TENT5C: variants seen among roughly 807,000 people sequenced by gnomAD.
The protein encoded by TENT5C is terminal nucleotidyltransferase 5C.
A neutral mutation model predicts 22.2 loss-of-function variants in TENT5C; 5 were observed. The observed-to-expected ratio is 0.22, with a 90% CI of 0.12 to 0.47. The LOEUF is 0.47. Ranked by LOEUF, TENT5C falls within the 20% of genes least tolerant of loss-of-function variation. The pLI, the probability that TENT5C is intolerant of heterozygous loss-of-function variation, is 0.99. For missense variants in TENT5C, 364 were observed against 500.9 expected, an observed-to-expected ratio of 0.73 and a Z score of 2.61; for synonymous variants, 199 against 195.4, an observed-to-expected ratio of 1.02 and a Z score of -0.15.
chr1:117,619,784 T>C (rs1653856696), intron 1 of TENT5C, among the ~76,000 whole-genome samples: 1 of 152,198 alleles, frequency 6.6e-6, no homozygotes, highest in Admixed American at 6.5e-5. Context: ...CACTTTACTA[T>C]TCTGAAATGC....
chr1:117,623,002 A>T lies in TENT5C; in HGVS notation c.134A>T (p.Glu45Val). The change falls in exon 2 of 2, where the codon GAG becomes GTG. Residue 45 changes from glutamate to valine, a missense_variant. Coordinates refer to ENST00000369448, the MANE Select transcript of TENT5C (RefSeq NM_017709.4). ...IHGRGNFPTLEITLKDIVQTV... is the reference protein window; with the variant it reads ...IHGRGNFPTLVITLKDIVQTV... ...GGACGAGGCAACTTTCCAACCTTGG[A>T]GATAACTCTGAAGGACATCGTCCAG... The T allele has an allele frequency of 6.2e-7, 1 of 1,614,188 alleles. No homozygotes were observed. The highest frequency in any genetic ancestry group is 1.1e-5 in the South Asian group (1 of 91,082).
chr1:117,614,358 C>T (rs1558005850), intron 1 of TENT5C, among the ~76,000 whole-genome samples: 1 of 152,194 alleles, frequency 6.6e-6, no homozygotes, highest in African/African-American at 2.4e-5. Flanking sequence ...GACCAAGGTC[C>T]ATGGTCATTC....
chr1:117,609,908 G>A (rs1223126539), intron 1 of TENT5C, among the ~76,000 whole-genome samples: 1 of 152,136 alleles, frequency 6.6e-6, no homozygotes, highest in Non-Finnish European at 1.5e-5. Flanking sequence ...CCTCTTTTAA[G>A]TAGAGGCCAC....
intron 1 of TENT5C, among the ~76,000 whole-genome samples, chr1:117,617,208 T>A (rs2101076594): frequency 6.6e-6 from 1 of 152,264 alleles, no homozygotes; most frequent in East Asian, 1.9e-4. Flanking sequence ...ATAGCTTTTT[T>A]TTTTTTCTTT....
intron 1 of TENT5C, among the ~76,000 whole-genome samples, chr1:117,617,712 T>C (rs976071460): frequency 1.3e-5 from 2 of 152,256 alleles, no homozygotes; most frequent in Admixed American, 6.5e-5. Context: ...GAATTGGGAA[T>C]GTGTGTTCCA....
Position 117,623,945 on chromosome 1 carries a change from G to A in TENT5C, c.1077G>A (p.Pro359=), listed in dbSNP as rs768966439. Residue 359 remains proline, a synonymous_variant, in exon 2 of 2, where the codon CCG becomes CCA. Transcript: ENST00000369448. ...SATNVTCYYQ[P]APYVSDGNFS... The stretch of plus-strand genomic sequence containing the variant: ...CCAACGTCACCTGTTACTACCAGCC[G>A]GCCCCTTACGTCAGTGATGGCAACT... 163 of 1,613,978 alleles carry A rather than the reference G, an allele frequency of 1.0e-4. No individual in the cohort carries two copies. The highest frequency in any genetic ancestry group is 1.4e-4 in the Non-Finnish European group (160 of 1,179,996).
Position 117,623,005 on chromosome 1 carries a change from T to C in TENT5C, c.137T>C (p.Ile46Thr), listed in dbSNP as rs1230332453. Reference sequence around the variant, plus strand: ...CGAGGCAACTTTCCAACCTTGGAGATAACTCTGAAGGACATCGTCCAGACC... The same window carrying C: ...CGAGGCAACTTTCCAACCTTGGAGACAACTCTGAAGGACATCGTCCAGACC... ...HGRGNFPTLE[I>T]TLKDIVQTVR... Residue 46 changes from isoleucine to threonine, a missense_variant, in exon 2 of 2, where the codon ATA becomes ACA. Physicochemically the swap from Ile to Thr is moderately conservative, Grantham distance 89. Around this residue, in one of 3 missense-constraint regions of TENT5C, gnomAD observed 303 missense variants for 394.5 expected, o/e 0.77. Coordinates refer to ENST00000369448, the MANE Select transcript of TENT5C (RefSeq NM_017709.4). The C allele has an allele frequency of 1.2e-6, 2 of 1,614,210 alleles. No homozygotes were observed. Among genetic ancestry groups the C allele is most frequent in the South Asian group, 2.2e-5 (2 of 91,082 alleles).
chr1:117,613,867 TG>T (rs1266469700), intron 1 of TENT5C, among the ~76,000 whole-genome samples: 2 of 152,212 alleles, frequency 1.3e-5, no homozygotes, highest in African/African-American at 4.8e-5. Flanking sequence ...CTTTGTGGCC[TG>T]GGGCAGTTAC....
At chr1:117,607,824 T>C (rs915242917) in intron 1 of TENT5C, among the ~76,000 whole-genome samples, 1 of 152,140 alleles carries the variant, frequency 6.6e-6, no homozygotes, top group Non-Finnish European at 1.5e-5. Context: ...ATGCTGACTT[T>C]TCTCTGGGCT....
Position 117,628,190 on chromosome 1 carries a change from T to C in TENT5C, c.*4146T>C. Reference sequence around the variant, plus strand: ...CAATTAGACTAAATTGAAAGCTTTTTGTTCTATATTTGCATAGCCTTTGAA... The same window carrying C: ...CAATTAGACTAAATTGAAAGCTTTTCGTTCTATATTTGCATAGCCTTTGAA... On this transcript the variant is annotated 3_prime_UTR_variant, in exon 2 of 2. Transcript: ENST00000369448. 4.0e-6 allele frequency: 1 copy of C among 247,818 alleles called. No homozygotes were observed. The highest frequency in any genetic ancestry group is 6.1e-5 in the East Asian group (1 of 16,498). 15.4% of individuals were successfully genotyped at this position (247,818 alleles called of 1,614,324 possible).
rs1653979677 is a variant in TENT5C at position 117,625,104 on chromosome 1, C to CA, written c.*1060_*1061insA. 1 of 240,192 alleles carries CA rather than the reference C, an allele frequency of 4.2e-6. No individual in the cohort carries two copies. Among genetic ancestry groups the CA allele is most frequent in the Non-Finnish European group, 8.5e-6 (1 of 117,232 alleles). 14.9% of individuals were successfully genotyped at this position (240,192 alleles called of 1,614,324 possible). On this transcript the variant is annotated 3_prime_UTR_variant, in exon 2 of 2. Coordinates refer to ENST00000369448, the MANE Select transcript of TENT5C (RefSeq NM_017709.4). ...AGCTATTTTTTGTTTTTGTTCTTTT[C>CA]GTTTTTTTTTTTTCCAAAAATAGTG...
chr1:117,618,200 G>T (rs566021932), intron 1 of TENT5C, among the ~76,000 whole-genome samples: 1 of 152,266 alleles, frequency 6.6e-6, no homozygotes, highest in East Asian at 1.9e-4. Flanking sequence ...CTAACCACAG[G>T]CATATTGTAT....
chr1:117,619,164 T>C (rs1035724018), intron 1 of TENT5C, among the ~76,000 whole-genome samples: 2 of 152,238 alleles, frequency 1.3e-5, no homozygotes, highest in East Asian at 3.8e-4. Flanking sequence ...TAATTCAAAG[T>C]AGACTTACCA....
rs564558111 is a variant in TENT5C, at chr1:117,625,944, G to A, written c.*1900G>A. The A allele has an allele frequency of 2.0e-5, 5 of 247,826 alleles. No homozygotes were observed. Among genetic ancestry groups the A allele is most frequent in the South Asian group, 1.8e-4 (1 of 5,514 alleles). The allele number at this position is 247,826 out of a possible 1,614,324, so 15.4% of individuals were successfully genotyped here. ...AATTCAGTGGCTTTGAGTCAAGGCC[G>A]GTTCTAATTGAGGGGACCCAGTGTG... On this transcript the variant is annotated 3_prime_UTR_variant, in exon 2 of 2. Coordinates refer to ENST00000369448, the MANE Select transcript of TENT5C (RefSeq NM_017709.4).
At chr1:117,606,615 C>T (rs1017505077) in intron 1 of TENT5C, among the ~76,000 whole-genome samples, 1 of 152,158 alleles carries the variant, frequency 6.6e-6, no homozygotes, top group Non-Finnish European at 1.5e-5. Flanking sequence ...CGCCCCGGCG[C>T]TCCCGCGGGC....
chr1:117,614,142 G>A (rs1286749799), intron 1 of TENT5C, among the ~76,000 whole-genome samples: 1 of 152,268 alleles, frequency 6.6e-6, no homozygotes, highest in East Asian at 1.9e-4. Context: ...CTCCCTATGT[G>A]GGGGGTCTGG....
At chr1:117,614,639 G>C (rs1227534427) in intron 1 of TENT5C, among the ~76,000 whole-genome samples, 1 of 152,158 alleles carries the variant, frequency 6.6e-6, no homozygotes, top group Non-Finnish European at 1.5e-5. Context: ...CTCGACTGTA[G>C]CTAGTGTCCT....
chr1:117,613,434 A>C (rs577417620), intron 1 of TENT5C, among the ~76,000 whole-genome samples: 44 of 152,288 alleles, frequency 2.9e-4, no homozygotes, highest in South Asian at 1.7e-3. Context: ...TTCCAGCGTT[A>C]TCTCTCCACC....
In TENT5C at chr1:117,626,277, T is replaced by C. The variant is rs1369428849; in HGVS notation, c.*2233T>C. 4.0e-6 allele frequency: 1 copy of C among 247,914 alleles called. No homozygotes were observed. 15.4% of individuals were successfully genotyped at this position (247,914 alleles called of 1,614,324 possible). On this transcript the variant is annotated 3_prime_UTR_variant, in exon 2 of 2. Transcript: ENST00000369448. ...AATTTCCAGTTTGTCCTTGGGGTTC[T>C]TTCTGCTTATGTTTTTTCCCCCCCA... is the stretch of plus-strand genomic sequence containing the variant.
Sources: gnomAD v4.1 joint callset for allele counts (sites outside exome capture counted in the v4.1 genomes callset) on GRCh38, gnomAD v4.1.1 for gene constraint, gnomAD v4.1.1 regional missense constraint, MANE v1.5 for transcripts, NCBI Gene and HGNC (gene_info 2026-07-23, HGNC 2026-07-21) for gene names.